The following TAF4B variants were observed in gnomAD, a reference collection of about 807,000 sequenced individuals.
TAF4B encodes the protein TATA-box binding protein associated factor 4b, also known as transcription initiation factor TFIID subunit 4B.
In TAF4B, 38 loss-of-function variants were observed where a neutral mutation model predicts 86.4. The observed-to-expected ratio is 0.44, with a 90% confidence interval of 0.34 to 0.58. The LOEUF is 0.58. Ranked by LOEUF, TAF4B falls within the 20% of genes least tolerant of loss-of-function variation. The pLI is 0.02. For missense variants in TAF4B, 988 were observed against 1,027.6 expected, an observed-to-expected ratio of 0.96 and a Z score of 0.53; for synonymous variants, 388 against 391.2, an observed-to-expected ratio of 0.99 and a Z score of 0.10.
At chr18:26,276,313 T>C (rs891587367) in intron 5 of TAF4B, among the ~76,000 whole-genome samples, 3 of 152,148 alleles carry the variant, frequency 2.0e-5, no homozygotes, top group African/African-American at 4.8e-5. Flanking sequence ...AGGTAAAATA[T>C]GTAGGTGCAC....
chr18:26,287,193 A>G (rs971914941), intron 7 of TAF4B, among the ~76,000 whole-genome samples: 1 of 152,058 alleles, frequency 6.6e-6, no homozygotes, highest in African/African-American at 2.4e-5. Flanking sequence ...TTGTAGAGAG[A>G]GGGTCTTGCT....
chr18:26,238,585 TATA>T (rs1172197947), intron 1 of TAF4B, among the ~76,000 whole-genome samples: 1 of 152,106 alleles, frequency 6.6e-6, no homozygotes, highest in Admixed American at 6.5e-5. Context: ...AACTAATATT[TATA>T]CCTTTTTTTT....
intron 11 of TAF4B, among the ~76,000 whole-genome samples, chr18:26,325,827 T>G (rs932826081): frequency 1.2e-4 from 18 of 152,244 alleles, no homozygotes; most frequent in Admixed American, 3.3e-4. Context: ...ATTCTTTTTG[T>G]ATTAAACATG....
chr18:26,365,129 C>T (rs933001256), intron 14 of TAF4B, among the ~76,000 whole-genome samples: 1 of 151,598 alleles, frequency 6.6e-6, no homozygotes, highest in African/African-American at 2.4e-5. Flanking sequence ...GCCTCCGCCT[C>T]CCAGGTAGCT....
chr18:26,252,113 T>G (rs1168278988), intron 1 of TAF4B, among the ~76,000 whole-genome samples: 1 of 152,206 alleles, frequency 6.6e-6, no homozygotes, highest in South Asian at 2.1e-4. Context: ...CTCTTTCCAT[T>G]TATTTAGATC....
At chr18:26,340,140 A>G (rs2057124853) in intron 13 of TAF4B, among the ~76,000 whole-genome samples, 1 of 152,228 alleles carries the variant, frequency 6.6e-6, no homozygotes, top group Admixed American at 6.5e-5. Context: ...ATTTTTGTTT[A>G]TAGAAAATAT....
chr18:26,366,705 T>C (rs1010110927), intron 14 of TAF4B, among the ~76,000 whole-genome samples: 20 of 152,240 alleles, frequency 1.3e-4, no homozygotes, highest in African/African-American at 4.8e-4. Context: ...TTTCCTTGGA[T>C]ATTCTTTCTG....
At chr18:26,298,852 T>A (rs111371253) in intron 9 of TAF4B, among the ~76,000 whole-genome samples, 86 of 10,256 alleles carry the variant, frequency 8.4e-3, no homozygotes, top group African/African-American at 0.026. Context: ...GCCTATTGCC[T>A]TTTTTTTTTT....
chr18:26,233,344 G>A (rs951011392), intron 1 of TAF4B, among the ~76,000 whole-genome samples: 2 of 152,182 alleles, frequency 1.3e-5, no homozygotes, highest in Admixed American at 6.6e-5. Flanking sequence ...ATTCACTAGC[G>A]GTGGGGGCGC....
At chr18:26,262,453 A>G (rs2056182921) in intron 1 of TAF4B, among the ~76,000 whole-genome samples, 1 of 149,706 alleles carries the variant, frequency 6.7e-6, no homozygotes. Flanking sequence ...CATTTTCTGC[A>G]TGCCTTAGGA....
chr18:26,346,769 A>ATATATC (rs2057185504), intron 13 of TAF4B, among the ~76,000 whole-genome samples: 1 of 24,232 alleles, frequency 4.1e-5, no homozygotes, highest in African/African-American at 9.8e-5. Flanking sequence ...GTATATATAT[A>ATATATC]TATATGTGTG....
At chr18:26,228,128 TA>T (rs1342644249) in intron 1 of TAF4B, among the ~76,000 whole-genome samples, 2 of 152,350 alleles carry the variant, frequency 1.3e-5, no homozygotes, top group South Asian at 2.1e-4. Context: ...ATGGTTTGTA[TA>T]AAGGTTTTGC....
At chr18:26,368,021 CT>C (rs1268785199) in intron 14 of TAF4B, among the ~76,000 whole-genome samples, 1 of 152,152 alleles carries the variant, frequency 6.6e-6, no homozygotes, top group Non-Finnish European at 1.5e-5. Flanking sequence ...CCTTTGTGCT[CT>C]CTTCAAAGGT....
intron 1 of TAF4B, among the ~76,000 whole-genome samples, chr18:26,230,961 A>G (rs1264744177): frequency 1.3e-5 from 2 of 148,232 alleles, no homozygotes; most frequent in African/African-American, 5.0e-5. Context: ...AAAGCAGTAT[A>G]TGTTCATGTG....
At chr18:26,319,234 G>T (rs751143458) in intron 10 of TAF4B, among the ~76,000 whole-genome samples, 4 of 151,290 alleles carry the variant, frequency 2.6e-5, no homozygotes, top group Non-Finnish European at 5.9e-5. Context: ...GCTTACACCT[G>T]TAATCCCAGC....
rs752969855 is a variant in TAF4B at position 26,274,768 on chromosome 18, A to G, written c.703A>G (p.Asn235Asp). The G allele has an allele frequency of 1.1e-5, 18 of 1,614,036 alleles. No individual in the cohort carries two copies. The highest frequency in any genetic ancestry group is 1.4e-5 in the Non-Finnish European group (17 of 1,180,022). The change falls in exon 4 of 15, where the codon AAT becomes GAT. Residue 235 changes from asparagine to aspartate, a missense_variant. By Grantham distance (23) the Asn-to-Asp change is conservative. Coordinates refer to ENST00000269142, the MANE Select transcript of TAF4B (RefSeq NM_005640.3). The stretch of plus-strand genomic sequence containing the variant: ...TTTGGGAGCATCATCCACTCCTTCA[A>G]ATGAGCCCAATCTTAAAGCAGAGAA... ...SSLGASSTPS[N>D]EPNLKAENSA...
intron 12 of TAF4B, among the ~76,000 whole-genome samples, chr18:26,328,701 C>A (rs2057027084): frequency 6.6e-6 from 1 of 152,082 alleles, no homozygotes; most frequent in African/African-American, 2.4e-5. Context: ...CTCACTGCAA[C>A]CTCTGCCTCC....
At chr18:26,277,681 A>G (rs568618011) in intron 5 of TAF4B, among the ~76,000 whole-genome samples, 1 of 152,182 alleles carries the variant, frequency 6.6e-6, no homozygotes, top group Non-Finnish European at 1.5e-5. Context: ...TCTCCAGATC[A>G]TGGTGGATAT....
At chr18:26,352,870 C>T (rs1031594561) in intron 13 of TAF4B, among the ~76,000 whole-genome samples, 1 of 152,130 alleles carries the variant, frequency 6.6e-6, no homozygotes, top group Non-Finnish European at 1.5e-5. Flanking sequence ...CAAAACTTAC[C>T]CAAGATGATA....
Sources: allele counts gnomAD v4.1 joint callset (sites outside exome capture counted in the v4.1 genomes callset), GRCh38; gene constraint gnomAD v4.1.1; transcripts MANE v1.5; gene names NCBI Gene and HGNC (gene_info 2026-07-23, HGNC 2026-07-21).